SLC9A4: variants seen among roughly 807,000 people sequenced by gnomAD.
The protein encoded by SLC9A4 is solute carrier family 9 member A4.
A neutral mutation model predicts 67.4 loss-of-function variants in SLC9A4; 63 were observed. That is an observed-to-expected ratio of 0.93 (90% CI 0.76 to 1.15). SLC9A4 has a LOEUF of 1.15. SLC9A4 is among the 50% of genes most tolerant of loss of function. The pLI is 0.00. For missense variants in SLC9A4, 1,089 were observed against 987.7 expected (o/e 1.10, Z -1.38); for synonymous variants, 393 against 367.2 (o/e 1.07, Z -0.80).
At chr2:102,511,302 G>T (rs1314100700) in intron 6 of SLC9A4, among the ~76,000 whole-genome samples, 1 of 152,040 alleles carries the variant, frequency 6.6e-6, no homozygotes, top group Admixed American at 6.5e-5. Context: ...GATAAGTAGT[G>T]ACTGTTTTAA....
chr2:102,532,129 T>C (rs1674788815), intron 11 of SLC9A4, among the ~76,000 whole-genome samples: 1 of 152,216 alleles, frequency 6.6e-6, no homozygotes, highest in Admixed American at 6.5e-5. Context: ...TTTATGACAC[T>C]GCACTTATAG....
intron 11 of SLC9A4, among the ~76,000 whole-genome samples, chr2:102,530,159 G>C (rs1255521052): frequency 6.6e-6 from 1 of 152,180 alleles, no homozygotes; most frequent in Non-Finnish European, 1.5e-5. Context: ...TGCACTCCGA[G>C]TCTGGGTGTC....
chr2:102,476,673 G>A (rs906947796), intron 1 of SLC9A4, among the ~76,000 whole-genome samples: 7 of 152,014 alleles, frequency 4.6e-5, no homozygotes, highest in African/African-American at 1.7e-4. Flanking sequence ...TGAAGAAGGA[G>A]GAGAAGGAAA....
intron 9 of SLC9A4, among the ~76,000 whole-genome samples, chr2:102,520,508 A>G (rs1685383099): frequency 6.6e-6 from 1 of 152,246 alleles, no homozygotes; most frequent in South Asian, 2.1e-4. Flanking sequence ...TTCTGAGGAC[A>G]CTGGATGAAT....
intron 4 of SLC9A4, among the ~76,000 whole-genome samples, chr2:102,506,126 T>C (rs1220106515): frequency 6.6e-6 from 1 of 152,228 alleles, no homozygotes; most frequent in African/African-American, 2.4e-5. Context: ...AGAGTGTAAC[T>C]GGCATCACAC....
At chr2:102,482,797 A>G (rs995079322) in intron 2 of SLC9A4, among the ~76,000 whole-genome samples, 11 of 152,242 alleles carry the variant, frequency 7.2e-5, no homozygotes, top group African/African-American at 2.7e-4. Flanking sequence ...AGGTCAAGAT[A>G]CTACTGGATA....
In SLC9A4 at chr2:102,479,111, C is replaced by CTCTA. The variant is rs781022132; in HGVS notation, c.530_533dup (p.Ile180ProfsTer38). 6.2e-6 allele frequency: 10 copies of CTCTA among 1,614,212 alleles called. No homozygotes were observed. The highest frequency in any genetic ancestry group is 8.5e-6 in the Non-Finnish European group (10 of 1,180,030). On this transcript the variant is annotated frameshift_variant, in exon 2 of 12. Coordinates refer to ENST00000295269, the MANE Select transcript of SLC9A4 (RefSeq NM_001011552.4). LOFTEE classifies it high-confidence loss of function. ...CAACGCCTTGGGCATTGGCCTCTCC[C>CTCTA]TCTACCTCATCTGCCAGGTGAAGGC...
intron 10 of SLC9A4, 52 bp downstream of exon 10, chr2:102,525,207 A>G (rs1242855147): frequency 1.9e-6 from 3 of 1,610,016 alleles, no homozygotes; most frequent in Non-Finnish European, 2.5e-6. Flanking sequence ...AGTGTTTGTC[A>G]TCTGCTGAGC....
intron 2 of SLC9A4, among the ~76,000 whole-genome samples, chr2:102,494,314 T>C (rs1684762634): frequency 1.3e-5 from 2 of 152,002 alleles, no homozygotes; most frequent in Admixed American, 1.3e-4. Flanking sequence ...AGGATGTTAC[T>C]GTAGAGCACC....
intron 2 of SLC9A4, among the ~76,000 whole-genome samples, chr2:102,489,459 G>A (rs1684654240): frequency 6.6e-6 from 1 of 152,212 alleles, no homozygotes; most frequent in South Asian, 2.1e-4. Flanking sequence ...GCAAGTAGGT[G>A]ATAATTGCAG....
rs139488544 is a variant in SLC9A4 at position 102,478,783 on chromosome 2, G to C, written c.257-56G>C. 281 of 1,550,284 alleles carry C rather than the reference G, an allele frequency of 1.8e-4. No individual in the cohort carries two copies. The African/African-American group carries it at 3.2e-3, about 18-fold the overall frequency. ...GTCTGCTTGACTTTAAAAGACCTCA[G>C]GTACACCCAGACCGTTTCGTTTGCA... On this transcript the variant is annotated intron_variant, in intron 1 of 11. Coordinates refer to ENST00000295269, the MANE Select transcript of SLC9A4 (RefSeq NM_001011552.4).
intron 1 of SLC9A4, 56 bp downstream of exon 1, chr2:102,474,071 G>A (rs753621408): frequency 8.3e-6 from 13 of 1,570,836 alleles, no homozygotes; most frequent in Admixed American, 1.7e-5. Context: ...GATAGTGAAT[G>A]TGAAAATGCC....
intron 1 of SLC9A4, among the ~76,000 whole-genome samples, chr2:102,477,245 T>C (rs1684354556): frequency 1.3e-5 from 2 of 152,220 alleles, no homozygotes; most frequent in South Asian, 4.1e-4. Flanking sequence ...ATCCCCTCAA[T>C]GAATGTCAAA....
At chr2:102,520,723 A>G (rs1006232863) in intron 9 of SLC9A4, among the ~76,000 whole-genome samples, 1 of 152,196 alleles carries the variant, frequency 6.6e-6, no homozygotes, top group Non-Finnish European at 1.5e-5. Context: ...AACTAAAACA[A>G]AATCACCTAG....
intron 6 of SLC9A4, among the ~76,000 whole-genome samples, chr2:102,509,953 C>A (rs939256182): frequency 1.3e-5 from 2 of 151,744 alleles, no homozygotes; most frequent in Non-Finnish European, 2.9e-5. Flanking sequence ...TAATCTCTTG[C>A]AACTCTTTGT....
chr2:102,495,827 C>T (rs1684796281), intron 2 of SLC9A4, among the ~76,000 whole-genome samples: 2 of 152,080 alleles, frequency 1.3e-5, no homozygotes, highest in South Asian at 4.1e-4. Context: ...ACATGAAAAT[C>T]ACCCCTAACC....
chr2:102,487,178 G>GGTGTGTGTGT (rs55756786), intron 2 of SLC9A4, among the ~76,000 whole-genome samples: 24,864 of 149,016 alleles, frequency 0.17, 2,383 homozygotes, highest in Admixed American at 0.3. Flanking sequence ...GCTCACAGCT[G>GGTGTGTGTGT]GTGTGTGTGT....
chr2:102,474,566 C>T (rs768230538), intron 1 of SLC9A4, among the ~76,000 whole-genome samples: 10 of 152,144 alleles, frequency 6.6e-5, no homozygotes, highest in Non-Finnish European at 1.5e-4. Flanking sequence ...TTATATCTGT[C>T]AGTAAAATAT....
chr2:102,499,415 C>T (rs1233203093), intron 2 of SLC9A4, among the ~76,000 whole-genome samples: 1 of 152,180 alleles, frequency 6.6e-6, no homozygotes, highest in Non-Finnish European at 1.5e-5. Flanking sequence ...ACAATTTCTA[C>T]ACTTTTTCAT....
Sources: allele counts gnomAD v4.1 joint callset (sites outside exome capture counted in the v4.1 genomes callset), GRCh38; gene constraint gnomAD v4.1.1; transcripts MANE v1.5; gene names NCBI Gene and HGNC (gene_info 2026-07-23, HGNC 2026-07-21).